ZNF69: variants seen among roughly 807,000 people sequenced by gnomAD.
ZNF69 encodes ZNF3.
In ZNF69, 47 loss-of-function variants were observed where a neutral mutation model predicts 50.9. The ratio of observed to expected loss-of-function variants is 0.92; its 90% CI spans 0.73 to 1.18. ZNF69 has a LOEUF of 1.18. Ranked by LOEUF, ZNF69 falls within the 50% of genes most tolerant of loss-of-function variation. The pLI, the probability that ZNF69 is intolerant of heterozygous loss-of-function variation, is 0.00. For synonymous variants in ZNF69, 216 were observed against 223.1 expected (o/e 0.97, Z 0.29); for missense variants, 717 against 675.1 (o/e 1.06, Z -0.69).
chr19:11,956,004 G>A, the ZNF69 span, among the ~76,000 whole-genome samples: 1 of 152,150 alleles, frequency 6.6e-6, no homozygotes, highest in African/African-American at 2.4e-5. Context: ...AGCCACTGGG[G>A]AAACACATCC....
At chr19:11,976,656 CAGGAGGT>C in the ZNF69 span, among the ~76,000 whole-genome samples, 1 of 151,524 alleles carries the variant, frequency 6.6e-6, no homozygotes, top group Non-Finnish European at 1.5e-5. Context: ...CACCTGAGAT[CAGGAGGT>C]CAAGACCAGC....
At chr19:11,969,866 A>C in the ZNF69 span, among the ~76,000 whole-genome samples, 2 of 152,156 alleles carry the variant, frequency 1.3e-5, no homozygotes, top group Non-Finnish European at 2.9e-5. Flanking sequence ...CTTTGGGATG[A>C]GGTTCCTTTC....
the ZNF69 span, among the ~76,000 whole-genome samples, chr19:11,935,054 A>G: frequency 7.7e-4 from 111 of 144,704 alleles, 14 homozygotes; most frequent in African/African-American, 2.6e-3. Flanking sequence ...GCGGGCGCCT[A>G]TAGTCCCAGC....
downstream of ZNF69, among the ~76,000 whole-genome samples, chr19:11,910,050 A>G (rs1972434943): frequency 6.6e-6 from 1 of 151,700 alleles, no homozygotes; most frequent in African/African-American, 2.4e-5. Flanking sequence ...GAGCCAAATC[A>G]TGAGTGAACT....
chr19:11,937,597 T>A, the ZNF69 span, among the ~76,000 whole-genome samples: 1 of 150,894 alleles, frequency 6.6e-6, no homozygotes, highest in Non-Finnish European at 1.5e-5. Flanking sequence ...CAAGCCATTC[T>A]CCTGCCTCAG....
At chr19:11,939,068 G>C in the ZNF69 span, among the ~76,000 whole-genome samples, 1 of 152,002 alleles carries the variant, frequency 6.6e-6, no homozygotes, top group Middle Eastern at 3.2e-3. Flanking sequence ...CTTTTTGATG[G>C]GGTTGTTTGA....
the ZNF69 span, chr19:11,978,527 A>T: frequency 6.2e-7 from 1 of 1,614,224 alleles, no homozygotes; most frequent in East Asian, 2.2e-5. Context: ...GACCTTATAA[A>T]TGTAAGTTTT....
At chr19:11,906,838 GAGA>G (rs1972383969), downstream of ZNF69, among the ~76,000 whole-genome samples, 1 of 152,360 alleles carries the variant, frequency 6.6e-6, no homozygotes, top group Non-Finnish European at 1.5e-5. Flanking sequence ...GACGAGCTGA[GAGA>G]AGAAGGCTTC....
At chr19:11,971,452 G>A in the ZNF69 span, among the ~76,000 whole-genome samples, 8 of 152,124 alleles carry the variant, frequency 5.3e-5, no homozygotes, top group East Asian at 3.9e-4. Context: ...TATTCATGCC[G>A]TAACACCCTC....
intron 2 of ZNF69, 30 bp downstream of exon 2, chr19:11,903,729 C>T (rs1972299949): frequency 3.1e-6 from 5 of 1,611,874 alleles, no homozygotes; most frequent in Non-Finnish European, 4.2e-6. Flanking sequence ...TCCCTCAGTC[C>T]ATTAGTGAAC....
At chr19:11,916,739 A>G (rs1972525952), downstream of ZNF69, among the ~76,000 whole-genome samples, 3 of 152,168 alleles carry the variant, frequency 2.0e-5, no homozygotes, top group Non-Finnish European at 4.4e-5. Context: ...TTTGTGAGGT[A>G]AATACTGGAA....
At chr19:11,916,103 CT>C (rs892097300), downstream of ZNF69, among the ~76,000 whole-genome samples, 9 of 152,102 alleles carry the variant, frequency 5.9e-5, no homozygotes, top group African/African-American at 1.9e-4. Context: ...TGTCTTGGGG[CT>C]TTTTCCAGAC....
At chr19:11,959,658 T>C in the ZNF69 span, among the ~76,000 whole-genome samples, 22 of 152,372 alleles carry the variant, frequency 1.4e-4, no homozygotes, top group African/African-American at 4.6e-4. Flanking sequence ...TTAATGGGAC[T>C]TGAGTTGGTT....
downstream of ZNF69, among the ~76,000 whole-genome samples, chr19:11,910,851 A>G (rs996550168): frequency 6.6e-6 from 1 of 152,236 alleles, no homozygotes; most frequent in African/African-American, 2.4e-5. Context: ...GAGCTTCTGC[A>G]CAGCAAAAGA....
chr19:11,899,471 G>T (rs911557333), intron 1 of ZNF69, among the ~76,000 whole-genome samples: 2 of 151,972 alleles, frequency 1.3e-5, no homozygotes, highest in African/African-American at 4.8e-5. Flanking sequence ...TTGTACAGAT[G>T]TTACCATAGT....
At chr19:11,961,922 T>TACACACAC in the ZNF69 span, among the ~76,000 whole-genome samples, 2,344 of 145,060 alleles carry the variant, frequency 0.016, 22 homozygotes, top group African/African-American at 0.021. Flanking sequence ...TGGCCTCTTT[T>TACACACAC]ACACACACAC....
the ZNF69 span, among the ~76,000 whole-genome samples, chr19:11,937,137 G>A: frequency 3.9e-5 from 6 of 152,166 alleles, no homozygotes; most frequent in African/African-American, 1.4e-4. Flanking sequence ...TGTGTTGTGT[G>A]TGAAACCTTA....
downstream of ZNF69, among the ~76,000 whole-genome samples, chr19:11,908,469 T>C (rs1029922499): frequency 6.6e-6 from 1 of 152,152 alleles, no homozygotes; most frequent in Non-Finnish European, 1.5e-5. Flanking sequence ...TATAACAAAC[T>C]GTCTCTCGGA....
the ZNF69 span, chr19:11,964,892 T>G: frequency 2.7e-6 from 1 of 367,490 alleles, no homozygotes; most frequent in Non-Finnish European, 5.1e-6. Context: ...CTAGAATCCG[T>G]CAAGTCAGTC....
Sources: allele counts gnomAD v4.1 joint callset (sites outside exome capture counted in the v4.1 genomes callset), GRCh38; gene constraint gnomAD v4.1.1; transcripts MANE v1.5; gene names NCBI Gene and HGNC (gene_info 2026-07-23, HGNC 2026-07-21).